Variants in CHODL observed in about 807,000 individuals in gnomAD.
CHODL encodes the protein chondrolectin.
Under a neutral mutation model 34.5 loss-of-function variants are expected in CHODL, and 29 were observed. That is an observed-to-expected ratio of 0.84 (90% confidence interval 0.63 to 1.15). The LOEUF (loss-of-function observed/expected upper bound fraction) is 1.15. Among genes scored for constraint, CHODL ranks in the 50% most tolerant of loss-of-function variants. The pLI is 0.00. For synonymous variants in CHODL, 125 were observed against 116.1 expected (o/e 1.08, Z -0.49); for missense variants, 332 against 332.5 (o/e 1.00, Z 0.01).
intron 1 of CHODL, among the ~76,000 whole-genome samples, chr21:17,933,084 C>T (rs567520663): frequency 6.6e-6 from 1 of 152,274 alleles, no homozygotes; most frequent in South Asian, 2.1e-4. Context: ...TATTGCTGCC[C>T]GCCTGTCCCA....
chr21:18,054,000 A>G (rs1490178413), intron 2 of CHODL, among the ~76,000 whole-genome samples: 1 of 151,952 alleles, frequency 6.6e-6, no homozygotes, highest in Admixed American at 6.6e-5. Context: ...ACATGTATAT[A>G]TATCACATGT....
chr21:18,248,732 AAT>A (rs1204293464), intron 1 of CHODL, among the ~76,000 whole-genome samples: 1 of 120,388 alleles, frequency 8.3e-6, no homozygotes, highest in East Asian at 2.2e-4. Context: ...ATATGTATAT[AAT>A]ATATATGTAT....
At chr21:18,023,867 A>G (rs1048398406) in intron 1 of CHODL, among the ~76,000 whole-genome samples, 4 of 152,248 alleles carry the variant, frequency 2.6e-5, no homozygotes, top group African/African-American at 9.6e-5. Context: ...GCTATGGAAT[A>G]TAAACGCTTC....
At chr21:18,262,538 C>A (rs1281851874) in intron 4 of CHODL, among the ~76,000 whole-genome samples, 1 of 152,080 alleles carries the variant, frequency 6.6e-6, no homozygotes, top group African/African-American at 2.4e-5. Context: ...AGATGGTATA[C>A]CTATGTAGGG....
intron 2 of CHODL, among the ~76,000 whole-genome samples, chr21:18,124,611 G>C (rs184891525): frequency 6.6e-6 from 1 of 152,064 alleles, no homozygotes; most frequent in Admixed American, 6.6e-5. Context: ...AAAAATTTTC[G>C]TGGTGAGAAT....
At chr21:18,172,882 G>T (rs2073249054) in intron 2 of CHODL, among the ~76,000 whole-genome samples, 2 of 152,012 alleles carry the variant, frequency 1.3e-5, no homozygotes, top group Non-Finnish European at 2.9e-5. Flanking sequence ...TGAAATCAGG[G>T]TGTCATCTTG....
At chr21:18,057,597 T>A (rs1217165239) in intron 2 of CHODL, among the ~76,000 whole-genome samples, 2 of 152,086 alleles carry the variant, frequency 1.3e-5, no homozygotes, top group African/African-American at 4.8e-5. Context: ...GTATCCACTG[T>A]TATTATATCA....
intron 2 of CHODL, among the ~76,000 whole-genome samples, chr21:18,161,716 T>C (rs2073097547): frequency 1.3e-5 from 2 of 152,222 alleles, no homozygotes; most frequent in Non-Finnish European, 2.9e-5. Context: ...CGGGGAATTT[T>C]ATTCTTCTAA....
At chr21:18,233,009 C>A in intron 2 of CHODL, among the ~76,000 whole-genome samples, 1 of 140,830 alleles carries the variant, frequency 7.1e-6, no homozygotes, top group East Asian at 2.0e-4. Flanking sequence ...TATATATACA[C>A]ACACAGTGTG....
At chr21:18,062,452 T>C (rs900518418) in intron 2 of CHODL, among the ~76,000 whole-genome samples, 1 of 119,612 alleles carries the variant, frequency 8.4e-6, no homozygotes, top group Non-Finnish European at 2.0e-5. Context: ...CAAGTGATCC[T>C]CCCACCCTGG....
At chr21:17,990,427 A>G (rs181220124) in intron 1 of CHODL, among the ~76,000 whole-genome samples, 16 of 152,208 alleles carry the variant, frequency 1.1e-4, no homozygotes, top group African/African-American at 3.8e-4. Flanking sequence ...TCTTTTTTAT[A>G]TCGTTCTTTC....
intron 1 of CHODL, among the ~76,000 whole-genome samples, chr21:17,980,827 A>C (rs2063708055): frequency 6.6e-6 from 1 of 152,184 alleles, no homozygotes; most frequent in African/African-American, 2.4e-5. Flanking sequence ...TGTTGGGATG[A>C]GGATAGGAGA....
intron 2 of CHODL, among the ~76,000 whole-genome samples, chr21:18,119,993 C>G (rs1378733129): frequency 6.6e-6 from 1 of 152,050 alleles, no homozygotes; most frequent in African/African-American, 2.4e-5. Context: ...ATTAGCTGCT[C>G]TGTTTGGTGG....
rs111991714 is a variant in CHODL, at chr21:18,154,977, T to C, written c.-44-101532T>C. The stretch of plus-strand genomic sequence containing the variant: ...GTGGACAGGCACAAGGTCATCACCA[T>C]GTAGGGCATAGCTTGGTTGTGACCT... On this transcript the variant is annotated intron_variant, in intron 2 of 6. Coordinates refer to the CHODL transcript ENST00000400127. Among the ~76,000 whole-genome samples the C allele has an allele frequency of 1.3e-5, 2 of 152,174 alleles. 1 individual carries two copies. Among genetic ancestry groups the C allele is most frequent in the South Asian group, 4.1e-4 (2 of 4,830 alleles).
intron 1 of CHODL, among the ~76,000 whole-genome samples, chr21:17,955,938 T>A (rs1412191460): frequency 7.3e-6 from 1 of 137,278 alleles, no homozygotes; most frequent in African/African-American, 2.5e-5. Context: ...AAAGCCCATC[T>A]ATCTGTTTGA....
At chr21:18,155,228 A>G (rs1245815588) in intron 2 of CHODL, among the ~76,000 whole-genome samples, 1 of 152,210 alleles carries the variant, frequency 6.6e-6, no homozygotes, top group African/African-American at 2.4e-5. Flanking sequence ...TGTCACTGAT[A>G]TTCCTGATAA....
chr21:18,114,985 A>C (rs1416993692), intron 2 of CHODL: 6 of 152,270 alleles, frequency 3.9e-5, no homozygotes. Flanking sequence ...GACTTAACCC[A>C]GCCTAAACTG....
chr21:17,941,286 CTTTTTTTTTTTTTTT>C lies in CHODL; in HGVS notation c.-145+23895_-145+23909del, dbSNP rs34255623. Among the ~76,000 whole-genome samples the C allele has an allele frequency of 6.3e-4, 55 of 87,938 alleles. 1 individual carries two copies. The South Asian group carries it at 0.024, about 38-fold the overall frequency. The allele number at this position is 87,938 out of a possible 152,430, so 57.7% of individuals were successfully genotyped here. On this transcript the variant is annotated intron_variant, in intron 1 of 6. Transcript: ENST00000400127. ...GAAAATCCCAAAACTTAACTTGCCTCTTTTTTTTTTTTTTTTTTTTTTTCATCCCTGGGCCACTTT... is the reference window on the plus strand; with the variant it reads ...GAAAATCCCAAAACTTAACTTGCCTCTTTTTTTTCATCCCTGGGCCACTTT...
rs2073997370 is a variant in CHODL, at chr21:18,233,000, A to G, written c.-44-23509A>G. On this transcript the variant is annotated intron_variant, in intron 2 of 6. Transcript: ENST00000400127. The stretch of plus-strand genomic sequence containing the variant: ...ATATATATGACCTATCTATCCATCT[A>G]TATATACACACACAGTGTGGAATGA... Among the ~76,000 whole-genome samples, 3 of 142,606 alleles carry G rather than the reference A, an allele frequency of 2.1e-5. No individual in the cohort carries two copies. In the South Asian group the frequency reaches 6.7e-4, roughly 32 times the overall value. 93.6% of individuals were successfully genotyped at this position (142,606 alleles called of 152,430 possible).
Sources: gnomAD v4.1 joint callset for allele counts (sites outside exome capture counted in the v4.1 genomes callset) on GRCh38, gnomAD v4.1.1 for gene constraint, MANE v1.5 for transcripts, NCBI Gene and HGNC (gene_info 2026-07-23, HGNC 2026-07-21) for gene names.